EYS: variants seen among roughly 807,000 people sequenced by gnomAD.
EYS encodes protein eyes shut homolog.
A neutral mutation model predicts 282.1 loss-of-function variants in EYS; 250 were observed. That is an observed-to-expected ratio of 0.89 (90% confidence interval 0.80 to 0.98). The LOEUF (loss-of-function observed/expected upper bound fraction) is 0.98, where lower values mean the gene tolerates loss of function less well. Among genes scored for constraint, EYS ranks in the 50% least tolerant of loss-of-function variants. The pLI is 0.00. For synonymous variants in EYS, 1,355 were observed against 1,282.9 expected (o/e 1.06, Z -1.20); for missense variants, 4,016 against 3,709.0 (o/e 1.08, Z -2.15).
intron 41 of EYS, among the ~76,000 whole-genome samples, chr6:63,760,262 G>A (rs115854451): frequency 1.1e-3 from 174 of 152,100 alleles, no homozygotes; most frequent in African/African-American, 4.0e-3. Context: ...AGTAAACTGA[G>A]AGGAGATTTT....
At chr6:64,808,313 TAAC>T (rs1764499191) in intron 22 of EYS, among the ~76,000 whole-genome samples, 1 of 152,142 alleles carries the variant, frequency 6.6e-6, no homozygotes, top group Non-Finnish European at 1.5e-5. Context: ...CATTTTATGG[TAAC>T]AATTCAATTA....
At chr6:64,577,918 C>T (rs1481955687) in intron 26 of EYS, among the ~76,000 whole-genome samples, 1 of 152,122 alleles carries the variant, frequency 6.6e-6, no homozygotes, top group Admixed American at 6.6e-5. Context: ...AGATGCTTCT[C>T]TCTGCTTCAC....
chr6:65,029,828 T>C (rs1390585188), intron 13 of EYS, among the ~76,000 whole-genome samples: 3 of 152,246 alleles, frequency 2.0e-5, no homozygotes, highest in East Asian at 1.9e-4. Context: ...TACCCGGGGC[T>C]GAATGGGGAG....
At chr6:63,894,663 C>A (rs192009258) in intron 35 of EYS, among the ~76,000 whole-genome samples, 1,590 of 151,898 alleles carry the variant, frequency 0.01, 25 homozygotes, top group African/African-American at 0.037. Flanking sequence ...CTCACTGCAA[C>A]CTCTGCCTCC....
At chr6:64,503,511 A>G (rs1172739525) in intron 26 of EYS, among the ~76,000 whole-genome samples, 1 of 152,158 alleles carries the variant, frequency 6.6e-6, no homozygotes, top group East Asian at 1.9e-4. Flanking sequence ...ATAATTTCTC[A>G]GGAAGGGTTT....
At chr6:63,956,112 C>T (rs930693271) in intron 35 of EYS, among the ~76,000 whole-genome samples, 26 of 152,284 alleles carry the variant, frequency 1.7e-4, no homozygotes, top group Admixed American at 1.7e-3. Context: ...ACTGCCCCAA[C>T]ACTTCAACAC....
At chr6:64,326,142 A>ATAG (rs1770412732) in intron 29 of EYS, among the ~76,000 whole-genome samples, 1 of 136,842 alleles carries the variant, frequency 7.3e-6, no homozygotes, top group African/African-American at 2.8e-5. Flanking sequence ...CTATAACCTA[A>ATAG]TAGTAGTAGT....
intron 31 of EYS, among the ~76,000 whole-genome samples, chr6:64,099,004 T>C (rs1164719313): frequency 3.3e-5 from 5 of 152,216 alleles, no homozygotes; most frequent in Non-Finnish European, 7.4e-5. Flanking sequence ...TTGGTAATTA[T>C]AAAAATTAGC....
intron 12 of EYS, among the ~76,000 whole-genome samples, chr6:65,187,557 T>G (rs1242264469): frequency 6.6e-6 from 1 of 151,714 alleles, no homozygotes; most frequent in Admixed American, 6.6e-5. Context: ...TCACTTCTAT[T>G]TGAGAATCAG....
At chr6:65,069,522 T>A (rs976242148) in intron 12 of EYS, among the ~76,000 whole-genome samples, 2 of 151,926 alleles carry the variant, frequency 1.3e-5, no homozygotes, top group African/African-American at 4.8e-5. Flanking sequence ...TTGTTTATTG[T>A]TGATGTCTCT....
At chr6:65,583,023 G>A (rs1446175480) in intron 2 of EYS, among the ~76,000 whole-genome samples, 7 of 151,970 alleles carry the variant, frequency 4.6e-5, no homozygotes, top group Admixed American at 4.6e-4. Context: ...CAAGCGGATT[G>A]TAATATTGAT....
rs73455430 is a variant in EYS, at chr6:64,543,924, C to T, written c.5644+46299G>A. Among the ~76,000 whole-genome samples the T allele has an allele frequency of 1.7e-3, 253 of 152,166 alleles. 2 individuals carry two copies. Among genetic ancestry groups the T allele is most frequent in the African/African-American group, 5.8e-3 (242 of 41,498 alleles). Reference sequence around the variant, plus strand: ...GGTTTAGTATTCAAACTTTATATGCCCTGCTCTAAAATGCTACATTTTCCT... The same window carrying T: ...GGTTTAGTATTCAAACTTTATATGCTCTGCTCTAAAATGCTACATTTTCCT... On this transcript the variant is annotated intron_variant, in intron 26 of 42. Transcript: ENST00000503581.
intron 24 of EYS, among the ~76,000 whole-genome samples, chr6:64,616,744 T>G (rs1324636649): frequency 2.6e-5 from 4 of 152,134 alleles, no homozygotes; most frequent in African/African-American, 9.7e-5. Flanking sequence ...TCTAGTCACC[T>G]GACTATACCC....
At chr6:65,038,960 G>A (rs1336777018) in intron 13 of EYS, among the ~76,000 whole-genome samples, 3 of 151,396 alleles carry the variant, frequency 2.0e-5, no homozygotes, top group East Asian at 3.9e-4. Flanking sequence ...GTGTTTGTAA[G>A]TATTTTCTCT....
intron 35 of EYS, among the ~76,000 whole-genome samples, chr6:63,956,485 G>T (rs1205500964): frequency 6.6e-6 from 1 of 152,094 alleles, no homozygotes; most frequent in Non-Finnish European, 1.5e-5. Context: ...CTCACACAAA[G>T]CCTGTTTGGT....
chr6:64,268,440 G>A (rs1214017958), intron 30 of EYS, among the ~76,000 whole-genome samples: 2 of 151,944 alleles, frequency 1.3e-5, no homozygotes, highest in African/African-American at 4.8e-5. Flanking sequence ...TAATTAAAAT[G>A]ATTTACATAT....
intron 1 of EYS, among the ~76,000 whole-genome samples, chr6:65,680,363 T>G (rs1416702908): frequency 6.6e-6 from 1 of 151,964 alleles, no homozygotes; most frequent in Non-Finnish European, 1.5e-5. Flanking sequence ...TCATACTATT[T>G]GTTTTCAACC....
intron 33 of EYS, among the ~76,000 whole-genome samples, chr6:64,030,089 G>C (rs1582165317): frequency 6.6e-6 from 1 of 152,178 alleles, no homozygotes; most frequent in East Asian, 1.9e-4. Context: ...AAGAAGGAAA[G>C]AGGGAAAGAC....
intron 5 of EYS, among the ~76,000 whole-genome samples, chr6:65,463,103 T>C (rs1448717273): frequency 6.6e-6 from 1 of 152,092 alleles, no homozygotes; most frequent in Non-Finnish European, 1.5e-5. Flanking sequence ...CAGACCATGT[T>C]ACCCCTCTGC....
Sources: allele counts gnomAD v4.1 joint callset (sites outside exome capture counted in the v4.1 genomes callset), GRCh38; gene constraint gnomAD v4.1.1; transcripts MANE v1.5; gene names NCBI Gene and HGNC (gene_info 2026-07-23, HGNC 2026-07-21).